The following DIP2B variants were observed in gnomAD, a reference collection of about 807,000 sequenced individuals.
The protein encoded by DIP2B is DIP2 acetate--CoA ligase B (putative), also known as disco-interacting protein 2 homolog B.
In DIP2B, 76 loss-of-function variants were observed where a neutral mutation model predicts 198.0. That is an observed-to-expected ratio of 0.38 (90% CI 0.32 to 0.46). The LOEUF (loss-of-function observed/expected upper bound fraction) is 0.46, where lower values mean the gene tolerates loss of function less well. Ranked by LOEUF, DIP2B falls within the 20% of genes least tolerant of loss-of-function variation. DIP2B has a pLI of 0.99. For synonymous variants in DIP2B, 701 were observed against 739.1 expected, an observed-to-expected ratio of 0.95 and a Z score of 0.84; for missense variants, 1,559 against 1,978.4, an observed-to-expected ratio of 0.79 and a Z score of 4.02.
At chr12:50,674,415 A>G (rs2139527444) in intron 5 of DIP2B, 59 bp from the exon 6 acceptor site, 5 of 1,593,980 alleles carry the variant, frequency 3.1e-6, no homozygotes, top group Middle Eastern at 1.7e-4. Flanking sequence ...AACCCCAAAG[A>G]TTTGAAGGTT....
At chr12:50,624,884 C>G (rs1428796934) in intron 1 of DIP2B, among the ~76,000 whole-genome samples, 1 of 152,160 alleles carries the variant, frequency 6.6e-6, no homozygotes, top group Non-Finnish European at 1.5e-5. Context: ...ATCCCTGCTT[C>G]CTCTCCATCA....
At chr12:50,697,224 G>A (rs369756809) in intron 17 of DIP2B, 49 bp downstream of exon 17, 3 of 1,538,770 alleles carry the variant, frequency 1.9e-6, no homozygotes, top group East Asian at 2.3e-5. Flanking sequence ...CAACTTGGAT[G>A]AAATGTGCAG....
chr12:50,740,685 G>A (rs1203884064), intron 36 of DIP2B, among the ~76,000 whole-genome samples: 1 of 152,152 alleles, frequency 6.6e-6, no homozygotes, highest in Non-Finnish European at 1.5e-5. Context: ...AGAAATTACT[G>A]CAAAATAATC....
At chr12:50,654,707 G>A (rs540369851) in intron 3 of DIP2B, among the ~76,000 whole-genome samples, 47 of 152,282 alleles carry the variant, frequency 3.1e-4, no homozygotes, top group African/African-American at 1.1e-3. Context: ...AAATGGCCAA[G>A]TGACATGAAC....
rs369417699 is a variant in DIP2B, at chr12:50,739,589, A to G, written c.4354+3A>G. 1 of 1,612,762 alleles carries G rather than the reference A, an allele frequency of 6.2e-7. No individual in the cohort carries two copies. The highest frequency in any genetic ancestry group is 8.5e-7 in the Non-Finnish European group (1 of 1,179,024). ...CGAGCTCACAGCGGCCACTGGAGGT[A>G]CTTCTGCAACAACTCCCCATTGACC... On this transcript the variant is annotated splice_donor_region_variant and intron_variant, in intron 36 of 37. Transcript: ENST00000301180.
At chr12:50,717,834 C>T (rs947743483) in intron 23 of DIP2B, among the ~76,000 whole-genome samples, 4 of 151,898 alleles carry the variant, frequency 2.6e-5, no homozygotes, top group Admixed American at 6.6e-5. Flanking sequence ...GTGATCTGTC[C>T]GCCTCGGCCT....
intron 12 of DIP2B, among the ~76,000 whole-genome samples, chr12:50,687,098 A>G (rs1044412137): frequency 2.6e-5 from 4 of 152,194 alleles, no homozygotes; most frequent in Non-Finnish European, 5.9e-5. Flanking sequence ...GAATAAACAA[A>G]TGGCTGGAAG....
intron 1 of DIP2B, among the ~76,000 whole-genome samples, chr12:50,530,253 T>C (rs901558452): frequency 2.6e-5 from 4 of 152,204 alleles, no homozygotes; most frequent in Non-Finnish European, 5.9e-5. Context: ...ATTTTGTTTT[T>C]GTATTTTTAG....
At chr12:50,567,358 T>G (rs1958574842) in intron 1 of DIP2B, among the ~76,000 whole-genome samples, 1 of 152,200 alleles carries the variant, frequency 6.6e-6, no homozygotes. Flanking sequence ...TGTATAGTTT[T>G]CTGCTATTTT....
At chr12:50,550,660 TAGTC>T (rs1958419713) in intron 1 of DIP2B, among the ~76,000 whole-genome samples, 2 of 152,290 alleles carry the variant, frequency 1.3e-5, no homozygotes, top group Admixed American at 6.5e-5. Flanking sequence ...AGTGGTTTCT[TAGTC>T]AGTGCTTGTG....
chr12:50,608,035 C>T (rs997050991), intron 1 of DIP2B, among the ~76,000 whole-genome samples: 8 of 152,096 alleles, frequency 5.3e-5, no homozygotes, highest in African/African-American at 1.7e-4. Context: ...TCTGGTGATT[C>T]GCCCATCTTG....
At position 50,549,094 on chromosome 12, in the gene DIP2B, C is replaced by T. The variant is rs567683285; in HGVS notation, c.100+43854C>T. Among the ~76,000 whole-genome samples, 59 of 151,438 alleles carry T rather than the reference C, an allele frequency of 3.9e-4. 1 individual carries two copies. The highest frequency in any genetic ancestry group is 6.5e-4 in the Non-Finnish European group (44 of 67,952). On this transcript the variant is annotated intron_variant, in intron 1 of 37. Coordinates refer to ENST00000301180, the MANE Select transcript of DIP2B (RefSeq NM_173602.3). ...TTCCGGAGTAGTGAAACTTTGAGTA[C>T]AGCTGCTTCGGTTTTGGACTACAAA...
chr12:50,508,299 T>G (rs1957985366), intron 1 of DIP2B, among the ~76,000 whole-genome samples: 1 of 152,224 alleles, frequency 6.6e-6, no homozygotes, highest in Non-Finnish European at 1.5e-5. Flanking sequence ...TGACTGAAAT[T>G]TTTAATGATC....
chr12:50,566,068 G>C (rs886599171), intron 1 of DIP2B, among the ~76,000 whole-genome samples: 1 of 151,922 alleles, frequency 6.6e-6, no homozygotes, highest in African/African-American at 2.4e-5. Flanking sequence ...TCTGAGACAG[G>C]GTCTTGCTCT....
At chr12:50,601,337 T>TTTTG (rs1455656447) in intron 1 of DIP2B, among the ~76,000 whole-genome samples, 2 of 151,874 alleles carry the variant, frequency 1.3e-5, no homozygotes, top group Non-Finnish European at 2.9e-5. Flanking sequence ...CTATATATTT[T>TTTTG]TTTGTTTGTT....
At chr12:50,596,061 GTAT>G (rs1958876169) in intron 1 of DIP2B, among the ~76,000 whole-genome samples, 1 of 152,212 alleles carries the variant, frequency 6.6e-6, no homozygotes, top group African/African-American at 2.4e-5. Flanking sequence ...TCTTCATGTA[GTAT>G]TCTAGTCTGA....
intron 1 of DIP2B, among the ~76,000 whole-genome samples, chr12:50,595,114 G>A (rs1384098576): frequency 2.0e-5 from 3 of 152,096 alleles, no homozygotes; most frequent in Non-Finnish European, 4.4e-5. Flanking sequence ...TTAAGCTCAA[G>A]CTTGCATTTT....
intron 14 of DIP2B, among the ~76,000 whole-genome samples, chr12:50,693,291 G>C (rs1223582855): frequency 1.3e-5 from 2 of 152,230 alleles, no homozygotes; most frequent in African/African-American, 4.8e-5. Context: ...TTAGAAAAAG[G>C]TGACTTCCTT....
intron 21 of DIP2B, among the ~76,000 whole-genome samples, chr12:50,708,113 G>A (rs1939547490): frequency 6.7e-6 from 1 of 149,548 alleles, no homozygotes; most frequent in African/African-American, 2.5e-5. Context: ...TCAGTAATAC[G>A]CCACCCTACA....
Sources: gnomAD v4.1 joint callset for allele counts (sites outside exome capture counted in the v4.1 genomes callset) on GRCh38, gnomAD v4.1.1 for gene constraint, MANE v1.5 for transcripts, NCBI Gene and HGNC (gene_info 2026-07-23, HGNC 2026-07-21) for gene names.